The following DLGAP4 variants were observed in gnomAD, a reference collection of about 807,000 sequenced individuals.
The protein encoded by DLGAP4 is DLG associated protein 4.
DLGAP4 carries 18 observed loss-of-function variants against 86.9 expected under a neutral mutation model. The ratio of observed to expected loss-of-function variants is 0.21; its 90% CI spans 0.14 to 0.31. DLGAP4 has a LOEUF of 0.31. Ranked by LOEUF, DLGAP4 falls within the 10% of genes least tolerant of loss-of-function variation. The pLI is 1.00. For synonymous variants in DLGAP4, 548 were observed against 574.3 expected (o/e 0.95, Z 0.65); for missense variants, 1,085 against 1,362.6 (o/e 0.80, Z 3.21).
At chr20:36,356,939 A>G (rs868925255) in intron 1 of DLGAP4, among the ~76,000 whole-genome samples, 2 of 152,018 alleles carry the variant, frequency 1.3e-5, no homozygotes, top group Non-Finnish European at 2.9e-5. Flanking sequence ...TTTTTAGTCT[A>G]CGTGTCTCCT....
chr20:36,500,270 C>T lies in DLGAP4; in HGVS notation c.2171C>T (p.Ser724Leu), dbSNP rs1027628596. The T allele has an allele frequency of 1.6e-5, 26 of 1,612,780 alleles. No homozygotes were observed. Among genetic ancestry groups the T allele is most frequent in the Non-Finnish European group, 2.1e-5 (25 of 1,179,302 alleles). Residue 724 changes from serine (S) to leucine (L), a missense_variant, in exon 10 of 13, where the codon TCA (serine) becomes TTA (leucine). Around this residue, in one of 2 missense-constraint regions of DLGAP4, gnomAD observed 1,082 missense variants for 1,344.1 expected, o/e 0.81. Transcript: ENST00000339266. The surrounding 1 kb of genome is among the most constrained non-coding windows in gnomAD (Gnocchi z 4.6). ...TDSDTQDAND[S>L]SCKSSERSLP... ...TCGGATACCCAGGATGCCAATGACT[C>T]AAGCTGTAAGTCATCTGAGAGGAGC...
intron 7 of DLGAP4, among the ~76,000 whole-genome samples, chr20:36,486,733 CCT>C (rs937153409): frequency 1.3e-5 from 2 of 152,120 alleles, no homozygotes; most frequent in East Asian, 1.9e-4. Context: ...GTTTCAGCCC[CCT>C]GAGTAGCTGG....
At chr20:36,323,901 C>T (rs2065193109) in intron 1 of DLGAP4, among the ~76,000 whole-genome samples, 1 of 152,238 alleles carries the variant, frequency 6.6e-6, no homozygotes, top group Admixed American at 6.5e-5. Flanking sequence ...AGCTGGCTTG[C>T]CTGCTGCTCA....
At chr20:36,462,095 G>T in intron 7 of DLGAP4, 1 of 995,016 alleles carries the variant, frequency 1.0e-6, no homozygotes, top group South Asian at 4.4e-5. Flanking sequence ...AGTCGCTGGG[G>T]TCTCGCCTCC....
At chr20:36,327,590 C>CTTTT (rs555766337) in intron 1 of DLGAP4, among the ~76,000 whole-genome samples, 8 of 120,020 alleles carry the variant, frequency 6.7e-5, no homozygotes, top group East Asian at 2.4e-4. Context: ...TGGTTAAATT[C>CTTTT]TTTTTTTTTT....
chr20:36,349,420 A>G (rs2030066895), intron 1 of DLGAP4, among the ~76,000 whole-genome samples: 1 of 147,248 alleles, frequency 6.8e-6, no homozygotes, highest in Non-Finnish European at 1.5e-5. Context: ...TCCATCTCCA[A>G]AAAAAAAAAA....
intron 2 of DLGAP4, among the ~76,000 whole-genome samples, chr20:36,396,789 A>G (rs73103499): frequency 6.6e-5 from 10 of 152,308 alleles, no homozygotes; most frequent in Non-Finnish European, 1.3e-4. Context: ...TTCTCCATCC[A>G]TAAAACACGA....
chr20:36,448,296 GCTGTGTT>G (rs1242787489), intron 7 of DLGAP4, among the ~76,000 whole-genome samples: 1 of 152,210 alleles, frequency 6.6e-6, no homozygotes, highest in Non-Finnish European at 1.5e-5. Flanking sequence ...GGTGAAGTGA[GCTGTGTT>G]CACACCACTG....
At chr20:36,406,268 G>A (rs1042896876) in intron 2 of DLGAP4, among the ~76,000 whole-genome samples, 38 of 152,076 alleles carry the variant, frequency 2.5e-4, no homozygotes, top group African/African-American at 8.4e-4. Flanking sequence ...CATGGTGGCG[G>A]GCGCCTGTAG....
chr20:36,499,633 A>G lies in DLGAP4; in HGVS notation c.2056A>G (p.Thr686Ala). The G allele has an allele frequency of 6.2e-7, 1 of 1,614,002 alleles. No individual in the cohort carries two copies. The highest frequency in any genetic ancestry group is 1.3e-5 in the African/African-American group (1 of 75,030). Residue 686 changes from threonine to alanine, a missense_variant, in exon 9 of 13, where the codon ACC becomes GCC. Thr to Ala is a moderately conservative substitution (Grantham distance 58, BLOSUM62 0). This residue lies in a region of DLGAP4 where 1,082 missense variants were observed against 1,344.1 expected (regional missense o/e 0.81). Coordinates refer to ENST00000339266, the MANE Select transcript of DLGAP4 (RefSeq NM_001365621.2). ...PVPKEEPSPA[T>A]KFQSIGVQVE... ...GCCAAAAGAGGAGCCCAGTCCCGCTACCAAATTCCAGTCCATCGGGGTTCA... is the reference window on the plus strand; with the variant it reads ...GCCAAAAGAGGAGCCCAGTCCCGCTGCCAAATTCCAGTCCATCGGGGTTCA...
chr20:36,331,012 A>G (rs1229808995), intron 1 of DLGAP4, among the ~76,000 whole-genome samples: 1 of 152,168 alleles, frequency 6.6e-6, no homozygotes, highest in South Asian at 2.1e-4. Context: ...TTCCAATTCA[A>G]GTGGTGAGGA....
At position 36,500,146 on chromosome 20, in the gene DLGAP4, C is replaced by T; in HGVS notation, c.2100-53C>T. ...TCAAGGCGGCCTCTGGTCTCTGGCC[C>T]TCTTGGTGACTCACTCCTTCCTGTC... On this transcript the variant is annotated intron_variant, in intron 9 of 12. Transcript: ENST00000339266. This position sits in a 1 kb window ranked among gnomAD's most constrained non-coding sequence, Gnocchi z 4.6. 6 of 1,502,908 alleles carry T rather than the reference C, an allele frequency of 4.0e-6. No individual in the cohort carries two copies. The highest frequency in any genetic ancestry group is 5.3e-6 in the Non-Finnish European group (6 of 1,124,228). 93.1% of individuals were successfully genotyped at this position (1,502,908 alleles called of 1,614,324 possible).
intron 7 of DLGAP4, among the ~76,000 whole-genome samples, chr20:36,483,929 T>C (rs1425718822): frequency 6.6e-6 from 1 of 152,214 alleles, no homozygotes; most frequent in East Asian, 1.9e-4. Flanking sequence ...AAAGGGCCCA[T>C]TTAGGCCCTT....
At chr20:36,502,816 T>C (rs933119656) in intron 10 of DLGAP4, among the ~76,000 whole-genome samples, 94 of 152,046 alleles carry the variant, frequency 6.2e-4, no homozygotes, top group African/African-American at 2.2e-3. Flanking sequence ...CTCCACCTCC[T>C]GGGTTCAAGT....
intron 1 of DLGAP4, among the ~76,000 whole-genome samples, chr20:36,334,433 C>A (rs1555891896): frequency 1.3e-5 from 2 of 152,222 alleles, no homozygotes; most frequent in East Asian, 1.9e-4. Context: ...AAAGGAGAAC[C>A]ATTGAGGTCT....
chr20:36,387,426 C>T (rs950467870), intron 2 of DLGAP4, among the ~76,000 whole-genome samples: 4 of 152,072 alleles, frequency 2.6e-5, no homozygotes, highest in African/African-American at 4.8e-5. Flanking sequence ...TTATCTTTGT[C>T]GCAAATATTT....
At chr20:36,452,342 C>T (rs1448685734) in intron 7 of DLGAP4, among the ~76,000 whole-genome samples, 2 of 151,978 alleles carry the variant, frequency 1.3e-5, no homozygotes, top group East Asian at 3.9e-4. Flanking sequence ...CCATGCCTGG[C>T]TAATTTTTAA....
intron 7 of DLGAP4, among the ~76,000 whole-genome samples, chr20:36,457,269 C>A (rs1385828679): frequency 1.3e-5 from 2 of 151,430 alleles, no homozygotes; most frequent in Admixed American, 6.6e-5. Context: ...CCCAGGCTGG[C>A]GTGCAGTAGC....
intron 10 of DLGAP4, among the ~76,000 whole-genome samples, chr20:36,505,104 C>T (rs2036305149): frequency 6.6e-6 from 1 of 152,052 alleles, no homozygotes; most frequent in African/African-American, 2.4e-5. Flanking sequence ...TCTCCTGCCT[C>T]AGCCTCCTGA....
Sources: gnomAD v4.1 joint callset for allele counts (sites outside exome capture counted in the v4.1 genomes callset) on GRCh38, gnomAD v4.1.1 for gene constraint, gnomAD v4.1.1 regional missense constraint, Gnocchi (gnomAD v3.1) non-coding constraint, MANE v1.5 for transcripts, NCBI Gene and HGNC (gene_info 2026-07-23, HGNC 2026-07-21) for gene names.